Variants in AFDN observed in about 807,000 individuals in gnomAD.
AFDN encodes afadin.
AFDN carries 68 observed loss-of-function variants against 216.6 expected under a neutral mutation model. The observed-to-expected ratio is 0.31, with a 90% confidence interval of 0.26 to 0.38. The LOEUF (loss-of-function observed/expected upper bound fraction) is 0.38. Among genes scored for constraint, AFDN ranks in the 10% least tolerant of loss-of-function variants. The pLI, the probability that AFDN is intolerant of heterozygous loss-of-function variation, is 1.00. For synonymous variants in AFDN, 868 were observed against 853.7 expected, an observed-to-expected ratio of 1.02 and a Z score of -0.29; for missense variants, 2,136 against 2,342.0, an observed-to-expected ratio of 0.91 and a Z score of 1.82.
intron 10 of AFDN, 115 bp from the exon 11 acceptor site, chr6:167,898,089 TC>T: frequency 8.8e-7 from 1 of 1,141,398 alleles, no homozygotes; most frequent in Non-Finnish European, 1.2e-6. Flanking sequence ...GCACTAAAAA[TC>T]CAGAGCTTAT....
chr6:167,940,126 T>C (rs1794504366), intron 23 of AFDN, among the ~76,000 whole-genome samples: 2 of 152,164 alleles, frequency 1.3e-5, no homozygotes, highest in Non-Finnish European at 2.9e-5. Flanking sequence ...AAGTGGGCCA[T>C]GAGGCATCTG....
At chr6:167,928,052 G>C (rs3778662) in intron 23 of AFDN, among the ~76,000 whole-genome samples, 2 of 152,020 alleles carry the variant, frequency 1.3e-5, no homozygotes, top group Admixed American at 6.5e-5. Context: ...GGTGGAAGTA[G>C]GGGGCTTCCA....
At chr6:167,911,589 A>AT (rs1790406555) in intron 15 of AFDN, 100 bp downstream of exon 15, 5 of 1,064,332 alleles carry the variant, frequency 4.7e-6, no homozygotes, top group Admixed American at 2.3e-5. Context: ...TGGTTACAAG[A>AT]TTTTTTTCTA....
At chr6:167,883,318 C>G (rs937939545) in intron 6 of AFDN, among the ~76,000 whole-genome samples, 1 of 152,164 alleles carries the variant, frequency 6.6e-6, no homozygotes, top group Admixed American at 6.5e-5. Flanking sequence ...GTTGTGACAT[C>G]TAAAATAAAC....
intron 6 of AFDN, among the ~76,000 whole-genome samples, chr6:167,882,632 G>A (rs1293196318): frequency 6.6e-6 from 1 of 152,118 alleles, no homozygotes; most frequent in Admixed American, 6.6e-5. Flanking sequence ...GCGATGGAGC[G>A]AGACTCTGTC....
At chr6:167,858,223 G>A (rs960704560) in intron 1 of AFDN, among the ~76,000 whole-genome samples, 2 of 152,132 alleles carry the variant, frequency 1.3e-5, no homozygotes, top group African/African-American at 4.8e-5. Flanking sequence ...AAGTTGGCAG[G>A]GTTATGGCTT....
intron 1 of AFDN, among the ~76,000 whole-genome samples, chr6:167,856,378 G>A (rs1021676190): frequency 6.6e-6 from 1 of 151,776 alleles, no homozygotes; most frequent in Admixed American, 6.6e-5. Context: ...GGGGTGGGGG[G>A]TCTTGGAACA....
chr6:167,949,806 A>G (rs969473329), intron 29 of AFDN, among the ~76,000 whole-genome samples: 1 of 151,878 alleles, frequency 6.6e-6, no homozygotes, highest in Non-Finnish European at 1.5e-5. Context: ...TGGGGCTGGC[A>G]TTACGTCTTC....
intron 29 of AFDN, among the ~76,000 whole-genome samples, chr6:167,950,829 G>A (rs566996977): frequency 2.6e-5 from 4 of 151,624 alleles, no homozygotes; most frequent in South Asian, 4.2e-4. Flanking sequence ...TCGAGGCAGA[G>A]AGAAAGTACA....
intron 23 of AFDN, among the ~76,000 whole-genome samples, chr6:167,939,038 A>G (rs973775028): frequency 2.6e-5 from 4 of 152,172 alleles, no homozygotes; most frequent in African/African-American, 9.7e-5. Flanking sequence ...AGTAACTGTC[A>G]TTTTTTTGGT....
At chr6:167,876,297 A>C (rs1342733670) in intron 5 of AFDN, among the ~76,000 whole-genome samples, 2 of 152,226 alleles carry the variant, frequency 1.3e-5, no homozygotes, top group Non-Finnish European at 2.9e-5. Context: ...GATTCAAAAA[A>C]GATCTCAGAG....
At chr6:167,874,876 A>G (rs1268164925) in intron 4 of AFDN, among the ~76,000 whole-genome samples, 1 of 151,986 alleles carries the variant, frequency 6.6e-6, no homozygotes, top group African/African-American at 2.4e-5. Flanking sequence ...CAGCCTCCCA[A>G]AGTGTTGGGA....
intron 23 of AFDN, among the ~76,000 whole-genome samples, chr6:167,930,237 C>T (rs1793112509): frequency 6.6e-6 from 1 of 152,064 alleles, no homozygotes; most frequent in Non-Finnish European, 1.5e-5. Flanking sequence ...TAATCATCAG[C>T]TTATAAAATA....
chr6:167,971,919 G>T lies in AFDN; in HGVS notation c.*1984G>T. The T allele has an allele frequency of 4.9e-6, 1 of 202,192 alleles. No homozygotes were observed. Among genetic ancestry groups the T allele is most frequent in the Non-Finnish European group, 1.0e-5 (1 of 98,268 alleles). 12.5% of individuals were successfully genotyped at this position (202,192 alleles called of 1,614,324 possible). ...ACTTTGTATGTATTTAAGTGTATTT[G>T]CTATTGTTTTGAAAGTGCTGACAAA... On this transcript the variant is annotated 3_prime_UTR_variant, in exon 34 of 34. Coordinates refer to ENST00000683244, the MANE Select transcript of AFDN (RefSeq NM_001386888.1).
chr6:167,907,203 G>T lies in AFDN; in HGVS notation c.1683G>T (p.Ser561=). Residue 561 remains serine (S), a synonymous_variant, in exon 13 of 34, where the codon TCG becomes TCT. Transcript: ENST00000683244. ...STTRLDSDRV[S]SASSTAERGM... is the part of the protein sequence containing the mutation. ...CTAGGCTGGACAGCGACAGAGTGTC[G>T]TCTGCCTCTAGCACAGCCGAGCGGG... The T allele has an allele frequency of 1.2e-6, 2 of 1,614,142 alleles. No homozygotes were observed. Among genetic ancestry groups the T allele is most frequent in the East Asian group, 2.2e-5 (1 of 44,886 alleles).
At chr6:167,894,362 C>T (rs1009568714) in intron 9 of AFDN, among the ~76,000 whole-genome samples, 1 of 152,140 alleles carries the variant, frequency 6.6e-6, no homozygotes, top group Non-Finnish European at 1.5e-5. Context: ...TTGTCATTAT[C>T]TACGGGGAAG....
chr6:167,838,314 A>G (rs1042689129), intron 1 of AFDN, among the ~76,000 whole-genome samples: 1 of 56,160 alleles, frequency 1.8e-5, no homozygotes, highest in East Asian at 4.6e-4. Flanking sequence ...GTGCCTGCTC[A>G]TGCCATCTCG....
intron 1 of AFDN, among the ~76,000 whole-genome samples, chr6:167,842,165 G>T (rs1457511296): frequency 6.6e-6 from 1 of 152,158 alleles, no homozygotes; most frequent in South Asian, 2.1e-4. Flanking sequence ...AACACTGCTA[G>T]AACTGCCTTT....
rs1797929250 is a variant in AFDN, at chr6:167,970,179, A to G, written c.*244A>G. On this transcript the variant is annotated 3_prime_UTR_variant, in exon 34 of 34. Transcript: ENST00000683244. ...GTTTCTTAATTATCTAACTCACACG[A>G]GGGTAAGTTTTTTGTTGGTTTCTTT... 2.4e-6 allele frequency: 1 copy of G among 421,678 alleles called. No homozygotes were observed. Among genetic ancestry groups the G allele is most frequent in the Non-Finnish European group, 4.1e-6 (1 of 242,052 alleles). 26.1% of individuals were successfully genotyped at this position (421,678 alleles called of 1,614,324 possible).
Sources: allele counts gnomAD v4.1 joint callset (sites outside exome capture counted in the v4.1 genomes callset), GRCh38; gene constraint gnomAD v4.1.1; transcripts MANE v1.5; gene names NCBI Gene and HGNC (gene_info 2026-07-23, HGNC 2026-07-21).